The following YIF1A variants were observed in gnomAD, a reference collection of about 807,000 sequenced individuals.
The protein encoded by YIF1A is protein YIF1A.
YIF1A carries 28 observed loss-of-function variants against 32.6 expected under a neutral mutation model. That is an observed-to-expected ratio of 0.86 (90% CI 0.64 to 1.18). The LOEUF (loss-of-function observed/expected upper bound fraction) is 1.18, where lower values mean the gene tolerates loss of function less well. Among genes scored for constraint, YIF1A ranks in the 50% most tolerant of loss-of-function variants. The probability of loss-of-function intolerance (pLI) is 0.00; values close to 1 mark genes in which losing one functional copy is unlikely to be tolerated. For missense variants in YIF1A, 373 were observed against 390.8 expected (o/e 0.95, Z 0.38); for synonymous variants, 175 against 162.2 (o/e 1.08, Z -0.60).
intron 1 of YIF1A, among the ~76,000 whole-genome samples, 187 bp from the exon 2 acceptor site, chr11:66,288,479 G>C (rs1857399123): frequency 6.6e-6 from 1 of 152,234 alleles, no homozygotes. Flanking sequence ...CGAGAAATCC[G>C]TTGCTAAATG....
At chr11:66,285,635 T>C in intron 5 of YIF1A, 66 bp downstream of exon 5, 4 of 1,608,700 alleles carry the variant, frequency 2.5e-6, no homozygotes, top group South Asian at 1.1e-5. Flanking sequence ...CCACCACATA[T>C]GCCCTAGGGA....
Position 66,285,432 on chromosome 11 carries a change from C to T in YIF1A, c.590G>A (p.Ser197Asn). ...LLGLYLATVRSDLSTFHLLAY... is the reference protein window; with the variant it reads ...LLGLYLATVRNDLSTFHLLAY... Reference sequence around the variant, plus strand: ...CAGCAGGTGAAAGGTGCTCAGGTCACTGCGCACGGTGGCCAGGTAGAGGCC... The same window carrying T: ...CAGCAGGTGAAAGGTGCTCAGGTCATTGCGCACGGTGGCCAGGTAGAGGCC... The change falls in exon 6 of 8, where the codon AGT becomes AAT. Residue 197 changes from serine (S) to asparagine (N), a missense_variant. Physicochemically the swap from Ser to Asn is conservative, Grantham distance 46. Coordinates refer to ENST00000376901, the MANE Select transcript of YIF1A (RefSeq NM_020470.3). 6.2e-7 allele frequency: 1 copy of T among 1,613,458 alleles called. No homozygotes were observed. The highest frequency in any genetic ancestry group is 1.1e-5 in the South Asian group (1 of 91,090).
chr11:66,288,350 A>AC, intron 1 of YIF1A, 58 bp from the exon 2 acceptor site: 1 of 1,603,358 alleles, frequency 6.2e-7, no homozygotes. Context: ...AGCCCAAACC[A>AC]CCGCCCCTTC....
Position 66,285,445 on chromosome 11 carries a change from C to T in YIF1A, c.577G>A (p.Ala193Thr). 1 of 1,613,394 alleles carries T rather than the reference C, an allele frequency of 6.2e-7. No individual in the cohort carries two copies. The highest frequency in any genetic ancestry group is 8.5e-7 in the Non-Finnish European group (1 of 1,180,018). Reference sequence around the variant, plus strand: ...GTGCTCAGGTCACTGCGCACGGTGGCCAGGTAGAGGCCCAGGAGCAGGGCC... The same window carrying T: ...GTGCTCAGGTCACTGCGCACGGTGGTCAGGTAGAGGCCCAGGAGCAGGGCC... ...VLALLLGLYL[A>T]TVRSDLSTFH... is the part of the protein sequence containing the mutation. Residue 193 changes from alanine (A) to threonine (T), a missense_variant, in exon 6 of 8, where the codon GCC becomes ACC. Physicochemically the swap from Ala to Thr is moderately conservative, Grantham distance 58 (BLOSUM62 0). Transcript: ENST00000376901.
chr11:66,285,385 C>G lies in YIF1A; in HGVS notation c.637G>C (p.Val213Leu). Residue 213 changes from valine to leucine, a missense_variant, in exon 6 of 8, where the codon GTG (valine) becomes CTG (leucine). Physicochemically the swap from Val to Leu is conservative, Grantham distance 32. Coordinates refer to ENST00000376901, the MANE Select transcript of YIF1A (RefSeq NM_020470.3). The stretch of plus-strand genomic sequence containing the variant: ...CCCTGGCCCACAAGTGCTCACCCCA[C>G]GTATTTGTAGCCACTGTAGGCCAGC... ...HLLAYSGYKY[V>L]GMILSVLTGL... 1.2e-6 allele frequency: 2 copies of G among 1,611,692 alleles called. No individual in the cohort carries two copies. The highest frequency in any genetic ancestry group is 1.7e-6 in the Non-Finnish European group (2 of 1,178,636).
In YIF1A at chr11:66,288,164, A is replaced by C. The variant is rs1054844048; in HGVS notation, c.160T>G (p.Leu54Val). 4.3e-6 allele frequency: 7 copies of C among 1,614,188 alleles called. No individual in the cohort carries two copies. Among genetic ancestry groups the C allele is most frequent in the Middle Eastern group, 1.6e-4 (1 of 6,062 alleles). ...ACATTGGCCATTGGGTCCCCAAGCA[A>C]GTGGTTGACACTGAAGGCCACGTCT... ...GADVAFSVNHLLGDPMANVAM... is the reference protein window; with the variant it reads ...GADVAFSVNHVLGDPMANVAM... Residue 54 changes from leucine to valine, a missense_variant, in exon 2 of 8, where the codon TTG (leucine) becomes GTG (valine). Physicochemically the swap from Leu to Val is conservative, Grantham distance 32. Coordinates refer to ENST00000376901, the MANE Select transcript of YIF1A (RefSeq NM_020470.3).
rs756456277 is a variant in YIF1A, at chr11:66,287,611, G to A, written c.414C>T (p.Asp138=). The A allele has an allele frequency of 9.4e-5, 152 of 1,613,536 alleles. No individual in the cohort carries two copies. The highest frequency in any genetic ancestry group is 9.3e-5 in the Non-Finnish European group (110 of 1,179,946). The change falls in exon 4 of 8, where the codon GAC becomes GAT. Residue 138 remains aspartate (D), a synonymous_variant. Coordinates refer to ENST00000376901, the MANE Select transcript of YIF1A (RefSeq NM_020470.3). The part of the protein sequence containing the change: ...LPPRQDLNAP[D]LYIPTMAFIT... ...TTGGAGACTCACTGGGGATATAGAG[G>A]TCAGGGGCGTTGAGGTCTTGCCGGG... is the stretch of plus-strand genomic sequence containing the variant.
Position 66,287,884 on chromosome 11 carries a change from C to G in YIF1A, c.276G>C (p.Lys92Asn), listed in dbSNP as rs781303888. ...LHRFVSVSKL[K>N]YFFAVDTAYV... ...AGGCTGTGTCCACAGCAAAAAAATA[C>G]TTGAGTTTGCTCACAGACACAAAAC... The change falls in exon 3 of 8, where the codon AAG becomes AAC. Residue 92 changes from lysine to asparagine, a missense_variant. Transcript: ENST00000376901. 1 of 1,613,846 alleles carries G rather than the reference C, an allele frequency of 6.2e-7. No individual in the cohort carries two copies. Among genetic ancestry groups the G allele is most frequent in the Non-Finnish European group, 8.5e-7 (1 of 1,180,002 alleles).
rs555655516 is a variant in YIF1A, at chr11:66,288,274, C to G, written c.50G>C (p.Arg17Pro). Residue 17 changes from arginine (R) to proline (P), a missense_variant, in exon 2 of 8, where the codon CGG (arginine) becomes CCG (proline). Arg to Pro is a moderately radical substitution (Grantham distance 103). Coordinates refer to ENST00000376901, the MANE Select transcript of YIF1A (RefSeq NM_020470.3). The part of the protein sequence containing the change: ...YGAHGSKHRA[R>P]AAPDPPPLFD... ...GAGGGGAGGGGGATCCGGGGCTGCC[C>G]GGGCCCTGTGCTTGGAGCCTGTGGG... is the stretch of plus-strand genomic sequence containing the variant. 1.2e-6 allele frequency: 2 copies of G among 1,614,056 alleles called. No individual in the cohort carries two copies. The highest frequency in any genetic ancestry group is 3.3e-5 in the Admixed American group (2 of 60,022).
At position 66,289,037 on chromosome 11, in the gene YIF1A, G is replaced by C. The variant is rs749543441; in HGVS notation, c.-52C>G. ...GCCCGCTGCGCCGCCTCGTGGGTAC[G>C]AATACTAATGAGGCAGCTGCTCCGC... On this transcript the variant is annotated 5_prime_UTR_variant, in exon 1 of 8. Coordinates refer to ENST00000376901, the MANE Select transcript of YIF1A (RefSeq NM_020470.3). 1.3e-6 allele frequency: 2 copies of C among 1,552,088 alleles called. No homozygotes were observed. The highest frequency in any genetic ancestry group is 1.7e-6 in the Non-Finnish European group (2 of 1,158,770).
chr11:66,285,159 G>A (rs1857334031), intron 6 of YIF1A, 193 bp from the exon 7 acceptor site: 1 of 875,944 alleles, frequency 1.1e-6, no homozygotes, highest in Non-Finnish European at 1.7e-6. Flanking sequence ...CTGGATCTGA[G>A]ACCCCCTTCT....
chr11:66,288,353 G>GC (rs929562880), intron 1 of YIF1A, 61 bp from the exon 2 acceptor site: 31 of 1,598,722 alleles, frequency 1.9e-5, no homozygotes, highest in Admixed American at 1.5e-4. Context: ...CCAAACCACC[G>GC]CCCCTTCCCT....
intron 6 of YIF1A, 56 bp downstream of exon 6, chr11:66,285,325 T>A: frequency 6.3e-7 from 1 of 1,583,366 alleles, no homozygotes; most frequent in Non-Finnish European, 8.6e-7. Context: ...AGTTCGAGGC[T>A]ACAGCTATGC....
chr11:66,289,022 C>T lies in YIF1A; in HGVS notation c.-37G>A. 1 of 1,570,994 alleles carries T rather than the reference C, an allele frequency of 6.4e-7. No individual in the cohort carries two copies. On this transcript the variant is annotated 5_prime_UTR_variant, in exon 1 of 8. Coordinates refer to ENST00000376901, the MANE Select transcript of YIF1A (RefSeq NM_020470.3). ...TCGCTGTCCCCGAGGGCCCGCTGCG[C>T]CGCCTCGTGGGTACGAATACTAATG...
In YIF1A at chr11:66,285,552, G is replaced by A; in HGVS notation, c.486-16C>T. ...CGGGGAGAACCTGCGCCAAAGCAGG[G>A]GTGGCTCAGAGCCAGGCATCCTGAG... On this transcript the variant is annotated splice_polypyrimidine_tract_variant and intron_variant, in intron 5 of 7. Coordinates refer to ENST00000376901, the MANE Select transcript of YIF1A (RefSeq NM_020470.3). The A allele has an allele frequency of 1.2e-6, 2 of 1,612,794 alleles. No homozygotes were observed. The highest frequency in any genetic ancestry group is 1.7e-6 in the Non-Finnish European group (2 of 1,179,968).
chr11:66,285,244 T>C (rs1325014832), intron 6 of YIF1A, 137 bp downstream of exon 6: 25 of 1,326,120 alleles, frequency 1.9e-5, no homozygotes, highest in Non-Finnish European at 2.6e-5. Context: ...AGGAGACTGC[T>C]GGAGACAGCT....
chr11:66,284,663 A>G lies in YIF1A; in HGVS notation c.856T>C (p.Trp286Arg), dbSNP rs774377500. 6.2e-7 allele frequency: 1 copy of G among 1,612,878 alleles called. No individual in the cohort carries two copies. The highest frequency in any genetic ancestry group is 2.2e-5 in the East Asian group (1 of 44,886). ...AAAFQPLIIYWLTFHLVR is the reference protein window; with the variant it reads ...AAAFQPLIIYRLTFHLVR Reference sequence around the variant, plus strand: ...CACCGGACCAGGTGGAAAGTCAGCCAGTATATGATGAGGGGCTGGAAGGCT... The same window carrying G: ...CACCGGACCAGGTGGAAAGTCAGCCGGTATATGATGAGGGGCTGGAAGGCT... Residue 286 changes from tryptophan to arginine, a missense_variant, in exon 8 of 8, where the codon TGG (tryptophan) becomes CGG (arginine). Physicochemically the swap from Trp to Arg is moderately radical, Grantham distance 101. Transcript: ENST00000376901.
At chr11:66,285,677 G>C in intron 5 of YIF1A, 24 bp downstream of exon 5, 3 of 1,613,190 alleles carry the variant, frequency 1.9e-6, no homozygotes, top group Non-Finnish European at 2.5e-6. Flanking sequence ...GGAGGGGAGG[G>C]TAAGGGAGGG....
chr11:66,288,762 C>T (rs973809753), intron 1 of YIF1A, among the ~76,000 whole-genome samples, 193 bp downstream of exon 1: 50 of 152,344 alleles, frequency 3.3e-4, no homozygotes, highest in African/African-American at 1.0e-3. Flanking sequence ...TGCCCGACTC[C>T]GGCATGGGAT....
Sources: gnomAD v4.1 joint callset for allele counts (sites outside exome capture counted in the v4.1 genomes callset) on GRCh38, gnomAD v4.1.1 for gene constraint, MANE v1.5 for transcripts, NCBI Gene and HGNC (gene_info 2026-07-23, HGNC 2026-07-21) for gene names.